The following TULP4 variants were observed in gnomAD, a reference collection of about 807,000 sequenced individuals.
TULP4 encodes the protein TUB like protein 4.
A neutral mutation model predicts 129.0 loss-of-function variants in TULP4; 16 were observed. That is an observed-to-expected ratio of 0.12 (90% confidence interval 0.08 to 0.19). The LOEUF is 0.19. Among genes scored for constraint, TULP4 ranks in the 10% least tolerant of loss-of-function variants. The probability of loss-of-function intolerance (pLI) is 1.00; values close to 1 mark genes in which losing one functional copy is unlikely to be tolerated. For missense variants in TULP4, 1,842 were observed against 2,059.1 expected, an observed-to-expected ratio of 0.89 and a Z score of 2.04; for synonymous variants, 998 against 854.0, an observed-to-expected ratio of 1.17 and a Z score of -2.94.
chr6:158,318,737 A>AT (rs1779551040), intron 1 of TULP4, among the ~76,000 whole-genome samples: 1 of 150,668 alleles, frequency 6.6e-6, no homozygotes, highest in Non-Finnish European at 1.5e-5. Flanking sequence ...TTTTTATTTA[A>AT]TTTTTTCAGA....
intron 2 of TULP4, among the ~76,000 whole-genome samples, chr6:158,420,886 T>A (rs777925253): frequency 8.5e-5 from 13 of 152,200 alleles, no homozygotes; most frequent in Admixed American, 3.3e-4. Flanking sequence ...TGAAAACATG[T>A]CAACAAAGCG....
intron 1 of TULP4, among the ~76,000 whole-genome samples, chr6:158,323,098 C>T (rs1164431405): frequency 6.6e-6 from 1 of 152,206 alleles, no homozygotes; most frequent in Non-Finnish European, 1.5e-5. Context: ...CTGTACTCAC[C>T]TTGTCAGATG....
In TULP4 at chr6:158,493,669, C is replaced by G; in HGVS notation, c.1728C>G (p.Gly576=). 1 of 1,596,642 alleles carries G rather than the reference C, an allele frequency of 6.3e-7. No homozygotes were observed. Among genetic ancestry groups the G allele is most frequent in the Non-Finnish European group, 8.5e-7 (1 of 1,171,862 alleles). ...PRLPLRKPSV[G]SPSLTRREFP... ...TGCCCCTGCGCAAGCCCTCTGTGGG[C>G]TCGCCCAGCCTGACTCGGAGAGAGT... The change falls in exon 10 of 14, where the codon GGC becomes GGG. Residue 576 remains glycine, a synonymous_variant. Transcript: ENST00000367097. The surrounding 1 kb of genome is among the most constrained non-coding windows in gnomAD (Gnocchi z 4.4).
chr6:158,506,222 C>CTTT (rs61292138), intron 13 of TULP4, among the ~76,000 whole-genome samples: 1,657 of 55,508 alleles, frequency 0.03, 483 homozygotes, highest in South Asian at 0.059. Context: ...TCGCCTTGTT[C>CTTT]TTTTTTTTTT....
At chr6:158,424,068 A>G (rs1028412990) in intron 2 of TULP4, among the ~76,000 whole-genome samples, 1 of 152,222 alleles carries the variant, frequency 6.6e-6, no homozygotes, top group Non-Finnish European at 1.5e-5. Context: ...TTATGACAGT[A>G]AGAAGGTGAA....
At chr6:158,494,401 C>CA (rs568810109) in intron 10 of TULP4, among the ~76,000 whole-genome samples, 215 of 152,270 alleles carry the variant, frequency 1.4e-3, no homozygotes, top group Middle Eastern at 3.4e-3. Flanking sequence ...TGGGTAGTTT[C>CA]AGGACATACT....
intron 3 of TULP4, among the ~76,000 whole-genome samples, chr6:158,439,963 A>T (rs1485463401): frequency 6.6e-6 from 1 of 151,612 alleles, no homozygotes; most frequent in Non-Finnish European, 1.5e-5. Context: ...TGCCCGCCTC[A>T]GCCTCCCAAA....
At chr6:158,285,694 C>T (rs1246188978) in intron 1 of TULP4, among the ~76,000 whole-genome samples, 1 of 152,184 alleles carries the variant, frequency 6.6e-6, no homozygotes, top group Non-Finnish European at 1.5e-5. Flanking sequence ...GGGCACGGGT[C>T]CATTGTTAGC....
At chr6:158,379,438 G>A (rs1486574736) in intron 1 of TULP4, among the ~76,000 whole-genome samples, 1 of 152,208 alleles carries the variant, frequency 6.6e-6, no homozygotes, top group Non-Finnish European at 1.5e-5. Flanking sequence ...TGCTGCAGCA[G>A]TTCTTGAGAC....
chr6:158,233,405 A>G (rs770799563), intron 1 of TULP4, among the ~76,000 whole-genome samples: 1 of 152,232 alleles, frequency 6.6e-6, no homozygotes, highest in Non-Finnish European at 1.5e-5. Context: ...TAAGGTTTTG[A>G]AGGACGTAAA....
intron 1 of TULP4, among the ~76,000 whole-genome samples, chr6:158,336,907 T>C (rs964235193): frequency 6.6e-6 from 1 of 152,110 alleles, no homozygotes; most frequent in Non-Finnish European, 1.5e-5. Context: ...TCTTCCTGAT[T>C]TCATAGAGCA....
intron 1 of TULP4, among the ~76,000 whole-genome samples, chr6:158,301,611 G>A (rs1413074669): frequency 6.6e-6 from 1 of 152,180 alleles, no homozygotes; most frequent in Non-Finnish European, 1.5e-5. Context: ...CAAAGTTTTT[G>A]ACACAGAATG....
chr6:158,423,834 G>A (rs1778411496), intron 2 of TULP4, among the ~76,000 whole-genome samples: 1 of 152,014 alleles, frequency 6.6e-6, no homozygotes, highest in Non-Finnish European at 1.5e-5. Context: ...TAGAGACGGG[G>A]TTTCACCGTG....
chr6:158,451,632 T>C (rs1489050767), intron 4 of TULP4, among the ~76,000 whole-genome samples: 4 of 152,192 alleles, frequency 2.6e-5, no homozygotes, highest in Non-Finnish European at 5.9e-5. Context: ...CAACCTTCTC[T>C]CCAAATCTGG....
chr6:158,308,743 T>C (rs2128480270), upstream of TULP4, among the ~76,000 whole-genome samples: 1 of 143,210 alleles, frequency 7.0e-6, no homozygotes, highest in African/African-American at 2.6e-5. Context: ...ACGGGGCGGC[T>C]GGCCGGGCGG....
upstream of TULP4, among the ~76,000 whole-genome samples, chr6:158,308,735 G>A (rs1273333636): frequency 1.4e-5 from 2 of 146,278 alleles, no homozygotes; most frequent in Non-Finnish European, 3.0e-5. Flanking sequence ...CCTCCTGGAC[G>A]GGGCGGCTGG....
upstream of TULP4, among the ~76,000 whole-genome samples, chr6:158,281,206 C>T (rs1266515714): frequency 7.0e-6 from 1 of 143,384 alleles, no homozygotes; most frequent in Non-Finnish European, 1.5e-5. Context: ...GTTGAAATTC[C>T]TGCCGTAATT....
upstream of TULP4, chr6:158,310,317 CTTTTT>C (rs34198459): frequency 3.8e-5 from 4 of 104,358 alleles, no homozygotes; most frequent in Non-Finnish European, 5.8e-5. Context: ...AGGTGCTACA[CTTTTT>C]TTTTTTTTTT....
At chr6:158,479,120 A>G (rs1779881867) in intron 6 of TULP4, among the ~76,000 whole-genome samples, 1 of 152,158 alleles carries the variant, frequency 6.6e-6, no homozygotes, top group African/African-American at 2.4e-5. Context: ...CACAGCTGGT[A>G]AGACCAAGTC....
Sources: allele counts gnomAD v4.1 joint callset (sites outside exome capture counted in the v4.1 genomes callset), GRCh38; gene constraint gnomAD v4.1.1; non-coding constraint Gnocchi (gnomAD v3.1); transcripts MANE v1.5; gene names NCBI Gene and HGNC (gene_info 2026-07-23, HGNC 2026-07-21).